The following TTLL4 variants were observed in gnomAD, a reference collection of about 807,000 sequenced individuals.
TTLL4 encodes the protein tubulin tyrosine ligase like 4.
In TTLL4, 85 loss-of-function variants were observed where a neutral mutation model predicts 122.7. The observed-to-expected ratio is 0.69, with a 90% CI of 0.58 to 0.83. The LOEUF is 0.83. Ranked by LOEUF, TTLL4 falls within the 40% of genes least tolerant of loss-of-function variation. TTLL4 has a pLI of 0.00. For missense variants in TTLL4, 1,363 were observed against 1,488.6 expected, an observed-to-expected ratio of 0.92 and a Z score of 1.39; for synonymous variants, 553 against 563.0, an observed-to-expected ratio of 0.98 and a Z score of 0.25.
downstream of TTLL4, among the ~76,000 whole-genome samples, chr2:218,756,146 C>T (rs1575188282): frequency 1.3e-5 from 2 of 152,184 alleles, no homozygotes; most frequent in Non-Finnish European, 2.9e-5. Flanking sequence ...GAGCTGCCTG[C>T]CTGGCAGTTT....
chr2:218,716,036 A>G (rs953614084), intron 1 of TTLL4, among the ~76,000 whole-genome samples: 1 of 152,238 alleles, frequency 6.6e-6, no homozygotes, highest in Admixed American at 6.5e-5. Flanking sequence ...TGAGTTATGC[A>G]GATCTCCCAC....
downstream of TTLL4, among the ~76,000 whole-genome samples, chr2:218,756,776 T>C (rs1943159479): frequency 6.6e-6 from 1 of 152,186 alleles, no homozygotes; most frequent in Non-Finnish European, 1.5e-5. Context: ...GAGGCGAGTG[T>C]TCTTGAGACA....
chr2:218,742,108 A>C (rs1942717918), intron 5 of TTLL4, among the ~76,000 whole-genome samples: 1 of 152,050 alleles, frequency 6.6e-6, no homozygotes, highest in South Asian at 2.1e-4. Context: ...CTACAGGACC[A>C]CCCACCACAC....
At chr2:218,755,583 CCCTGCACTTAGTGGTTG>C (rs1484494490), downstream of TTLL4, among the ~76,000 whole-genome samples, 4 of 152,162 alleles carry the variant, frequency 2.6e-5, no homozygotes, top group Admixed American at 2.0e-4. Context: ...TCCTTCCTAA[CCCTGCACTTAGTGGTTG>C]CTGCTTGCCT....
In TTLL4 at chr2:218,745,111, G is replaced by A; in HGVS notation, c.1664G>A (p.Ser555Asn). The change falls in exon 6 of 20, where the codon AGC becomes AAC. Residue 555 changes from serine (S) to asparagine (N), a missense_variant and splice_region_variant. Physicochemically the swap from Ser to Asn is conservative, Grantham distance 46. Transcript: ENST00000392102. ...TCCATGTTTGTTTTTCGTCTTAGAA[G>A]CTGTATGGAAATTCTGACCAAACCC... The part of the protein sequence containing the change: ...PSESVAMISR[S>N]CMEILTKPLS... 1 of 1,613,932 alleles carries A rather than the reference G, an allele frequency of 6.2e-7. No homozygotes were observed. Among genetic ancestry groups the A allele is most frequent in the Non-Finnish European group, 8.5e-7 (1 of 1,179,874 alleles).
intron 8 of TTLL4, chr2:218,746,602 G>A (rs1942850013): frequency 2.7e-6 from 1 of 367,838 alleles, no homozygotes; most frequent in Non-Finnish European, 5.0e-6. Flanking sequence ...GTTTCCCTAT[G>A]ATCACTGCAC....
At chr2:218,740,399 T>G in intron 4 of TTLL4, 122 bp from the exon 5 acceptor site, 1 of 1,079,484 alleles carries the variant, frequency 9.3e-7, no homozygotes, top group Admixed American at 1.9e-5. Context: ...AGCAGCGGGG[T>G]GGTGCTTGTG....
Position 218,747,210 on chromosome 2 carries a change from T to G in TTLL4, c.2166+16T>G. On this transcript the variant is annotated intron_variant, in intron 9 of 19. Transcript: ENST00000392102. This position sits in a 1 kb window ranked among gnomAD's most constrained non-coding sequence, Gnocchi z 4.7. The stretch of plus-strand genomic sequence containing the variant: ...TGTGAAGCCAGTGAGTGAATCACAG[T>G]GGGCAGGAGACTATGGTCTGTGAGT... The G allele has an allele frequency of 6.2e-7, 1 of 1,614,134 alleles. No homozygotes were observed. Among genetic ancestry groups the G allele is most frequent in the South Asian group, 1.1e-5 (1 of 91,080 alleles).
At chr2:218,712,450 G>T (rs1377529221) in intron 1 of TTLL4, among the ~76,000 whole-genome samples, 1 of 150,950 alleles carries the variant, frequency 6.6e-6, no homozygotes, top group Non-Finnish European at 1.5e-5. Context: ...GCAATGGCAC[G>T]ATCTTGGCTC....
intron 8 of TTLL4, chr2:218,746,643 AG>A (rs1392363402): frequency 1.4e-5 from 5 of 367,186 alleles, no homozygotes; most frequent in African/African-American, 1.0e-4. Context: ...ATATGTGTAA[AG>A]AGGACTTCTG....
chr2:218,747,162 A>G lies in TTLL4; in HGVS notation c.2134A>G (p.Ser712Gly), dbSNP rs1016465539. ...CAAGCTCCTGCGCAAAGCGTGGGAGAGCAGCAGCCGCCAAAAGTGGATTGT... is the reference window on the plus strand; with the variant it reads ...CAAGCTCCTGCGCAAAGCGTGGGAGGGCAGCAGCCGCCAAAAGTGGATTGT... ...DAKLLRKAWE[S>G]SSRQKWIVKP... Residue 712 changes from serine (S) to glycine (G), a missense_variant, in exon 9 of 20, where the codon AGC becomes GGC. Around this residue, in one of 3 missense-constraint regions of TTLL4, gnomAD observed 596 missense variants for 655.8 expected, o/e 0.91. Coordinates refer to ENST00000392102, the MANE Select transcript of TTLL4 (RefSeq NM_014640.5). The surrounding 1 kb of genome is among the most constrained non-coding windows in gnomAD (Gnocchi z 4.7). 5.6e-6 allele frequency: 9 copies of G among 1,614,028 alleles called. No individual in the cohort carries two copies. Among genetic ancestry groups the G allele is most frequent in the Middle Eastern group, 1.6e-4 (1 of 6,084 alleles).
chr2:218,748,892 T>C lies in TTLL4; in HGVS notation c.2558T>C (p.Ile853Thr), dbSNP rs915426544. The change falls in exon 13 of 20, where the codon ATC becomes ACC. Residue 853 changes from isoleucine to threonine, a missense_variant. By Grantham distance (89) the Ile-to-Thr change is moderately conservative. This residue lies in a region of TTLL4 where 596 missense variants were observed against 655.8 expected (regional missense o/e 0.91). Transcript: ENST00000392102. ...CAGAAGGGAGTCAATAGCGACGCCA[T>C]CTGGGAGAAGATAAAGGATGTTGTT... is the stretch of plus-strand genomic sequence containing the variant. ...LSQKGVNSDAIWEKIKDVVVK... is the reference protein window; with the variant it reads ...LSQKGVNSDATWEKIKDVVVK... 28 of 1,614,020 alleles carry C rather than the reference T, an allele frequency of 1.7e-5. No individual in the cohort carries two copies. The highest frequency in any genetic ancestry group is 2.3e-5 in the Non-Finnish European group (27 of 1,180,022).
intron 2 of TTLL4, among the ~76,000 whole-genome samples, chr2:218,732,213 A>G (rs970367361): frequency 2.6e-5 from 4 of 152,170 alleles, no homozygotes; most frequent in Non-Finnish European, 4.4e-5. Flanking sequence ...ATAGTCAGCA[A>G]TTACTCTTTA....
At chr2:218,748,309 G>A in intron 12 of TTLL4, 82 bp downstream of exon 12, 1 of 1,561,352 alleles carries the variant, frequency 6.4e-7, no homozygotes, top group South Asian at 1.2e-5. Flanking sequence ...CAGGGGCATG[G>A]CGAGTGGAGG....
At position 218,747,791 on chromosome 2, in the gene TTLL4, A is replaced by G; in HGVS notation, c.2378+66A>G. The G allele has an allele frequency of 6.9e-6, 11 of 1,594,476 alleles. No homozygotes were observed. Among genetic ancestry groups the G allele is most frequent in the Non-Finnish European group, 9.4e-6 (11 of 1,167,946 alleles). On this transcript the variant is annotated intron_variant, in intron 11 of 19. Transcript: ENST00000392102. This position sits in a 1 kb window ranked among gnomAD's most constrained non-coding sequence, Gnocchi z 4.7. ...ATTTTATTTTCCTTGGAGGGAGGGAAACTAGAAGACACCAAACAGAAAAAT... is the reference window on the plus strand; with the variant it reads ...ATTTTATTTTCCTTGGAGGGAGGGAGACTAGAAGACACCAAACAGAAAAAT...
rs2106376183 is a variant in TTLL4, at chr2:218,711,008, G to C, written c.-207G>C. 1 of 152,628 alleles carries C rather than the reference G, an allele frequency of 6.6e-6. No individual in the cohort carries two copies. 9.5% of individuals were successfully genotyped at this position (152,628 alleles called of 1,614,324 possible). ...AGGGAGGAAGTAGCGTGGAGCCGGT[G>C]CCGAGCCGGGGCGAAGCTGGATCCC... On this transcript the variant is annotated 5_prime_UTR_variant, in exon 1 of 20. Transcript: ENST00000392102.
At chr2:218,745,525 CTCT>C (rs775122286) in intron 6 of TTLL4, 163 bp from the exon 7 acceptor site, 5 of 648,340 alleles carry the variant, frequency 7.7e-6, no homozygotes, top group African/African-American at 1.8e-5. Flanking sequence ...TGCACAGCCC[CTCT>C]TCTTTCCCAA....
At chr2:218,753,509 AG>A in intron 18 of TTLL4, 74 bp from the exon 19 acceptor site, 1 of 1,394,284 alleles carries the variant, frequency 7.2e-7, no homozygotes, top group Non-Finnish European at 1.0e-6. Context: ...GTAGAGCTGG[AG>A]GGTACCAAGA....
intron 1 of TTLL4, among the ~76,000 whole-genome samples, chr2:218,720,861 G>C (rs1942015336): frequency 6.6e-6 from 1 of 152,088 alleles, no homozygotes; most frequent in Non-Finnish European, 1.5e-5. Flanking sequence ...CATGTGATTA[G>C]AGGGTTGGAA....
Sources: allele counts gnomAD v4.1 joint callset (sites outside exome capture counted in the v4.1 genomes callset), GRCh38; gene constraint gnomAD v4.1.1; regional missense constraint gnomAD v4.1.1; non-coding constraint Gnocchi (gnomAD v3.1); transcripts MANE v1.5; gene names NCBI Gene and HGNC (gene_info 2026-07-23, HGNC 2026-07-21).